The following KLHL18 variants were observed in gnomAD, a reference collection of about 807,000 sequenced individuals.
The protein encoded by KLHL18 is kelch like family member 18, also known as kelch-like protein 18.
KLHL18 carries 38 observed loss-of-function variants against 58.5 expected under a neutral mutation model. The observed-to-expected ratio is 0.65, with a 90% CI of 0.50 to 0.85. The LOEUF (loss-of-function observed/expected upper bound fraction) is 0.85, where lower values mean the gene tolerates loss of function less well. Among genes scored for constraint, KLHL18 ranks in the 40% least tolerant of loss-of-function variants. The pLI is 0.00. For synonymous variants in KLHL18, 303 were observed against 301.9 expected (o/e 1.00, Z -0.04); for missense variants, 624 against 778.4 (o/e 0.80, Z 2.36).
At chr3:47,309,988 G>A (rs1249879567) in intron 1 of KLHL18, among the ~76,000 whole-genome samples, 1 of 150,994 alleles carries the variant, frequency 6.6e-6, no homozygotes, top group Non-Finnish European at 1.5e-5. Context: ...TGGGGAGAGG[G>A]AGGGGGAGGG....
At position 47,334,958 on chromosome 3, in the gene KLHL18, T is replaced by A; in HGVS notation, c.898+139T>A. Reference sequence around the variant, plus strand: ...GCCCCTCTTGATTTTATACAATTGCTCTACAGTTAGAGCATGTCACATATT... The same window carrying A: ...GCCCCTCTTGATTTTATACAATTGCACTACAGTTAGAGCATGTCACATATT... On this transcript the variant is annotated intron_variant, in intron 6 of 9. Transcript: ENST00000232766. This position sits in a 1 kb window ranked among gnomAD's most constrained non-coding sequence, Gnocchi z 4.7. The A allele has an allele frequency of 1.2e-6, 1 of 830,558 alleles. No individual in the cohort carries two copies. Among genetic ancestry groups the A allele is most frequent in the Non-Finnish European group, 1.9e-6 (1 of 539,876 alleles). 51.4% of individuals were successfully genotyped at this position (830,558 alleles called of 1,614,324 possible).
chr3:47,339,583 G>A (rs1385838983), intron 7 of KLHL18, among the ~76,000 whole-genome samples: 1 of 152,014 alleles, frequency 6.6e-6, no homozygotes, highest in African/African-American at 2.4e-5. Flanking sequence ...CAGCCACTAT[G>A]ATAAATTAGA....
At chr3:47,333,000 TAG>T (rs909674666) in intron 4 of KLHL18, among the ~76,000 whole-genome samples, 155 bp from the exon 5 acceptor site, 7 of 151,900 alleles carry the variant, frequency 4.6e-5, no homozygotes, top group Non-Finnish European at 8.8e-5. Context: ...GCCTAGGAAG[TAG>T]AGAGAAATCA....
In KLHL18 at chr3:47,346,365, C is replaced by T. The variant is rs561538204; in HGVS notation, c.*2424C>T. On this transcript the variant is annotated 3_prime_UTR_variant, in exon 10 of 10. Coordinates refer to ENST00000232766, the MANE Select transcript of KLHL18 (RefSeq NM_025010.5). ...CTGAGCACAAGTCAGGAAACACCAACATATTCACACTCTCCCAGTAGGTTC... is the reference window on the plus strand; with the variant it reads ...CTGAGCACAAGTCAGGAAACACCAATATATTCACACTCTCCCAGTAGGTTC... The T allele has an allele frequency of 6.5e-6, 1 of 152,794 alleles. No homozygotes were observed. The highest frequency in any genetic ancestry group is 6.5e-5 in the Admixed American group (1 of 15,308). The allele number at this position is 152,794 out of a possible 1,614,324, so 9.5% of individuals were successfully genotyped here.
chr3:47,340,818 G>T, intron 8 of KLHL18, 142 bp downstream of exon 8: 1 of 767,484 alleles, frequency 1.3e-6, no homozygotes, highest in Non-Finnish European at 2.0e-6. Flanking sequence ...GTATATACTA[G>T]ATATTTAATA....
chr3:47,333,333 C>T lies in KLHL18; in HGVS notation c.761+16C>T, dbSNP rs776319207. On this transcript the variant is annotated intron_variant, in intron 5 of 9. Transcript: ENST00000232766. ...ACAAATGCAGGTGAGTGAGGGTGGACCTGCACAGGACACTGCCAAAGGTCT... is the reference window on the plus strand; with the variant it reads ...ACAAATGCAGGTGAGTGAGGGTGGATCTGCACAGGACACTGCCAAAGGTCT... The T allele has an allele frequency of 3.1e-6, 5 of 1,610,224 alleles. No homozygotes were observed. The African/African-American group carries it at 6.7e-5, about 22-fold the overall frequency.
chr3:47,319,780 C>T lies in KLHL18; in HGVS notation c.257C>T (p.Pro86Leu), dbSNP rs1489209001. ...QDEIVMQGMD[P>L]SALEALINFA... ...GAGATTGTAATGCAAGGAATGGACC[C>T]AAGGTACTGAATCCCACCATTAGGT... The change falls in exon 2 of 10, where the codon CCA (proline) becomes CTA (leucine). Residue 86 changes from proline (P) to leucine (L), a missense_variant. Coordinates refer to ENST00000232766, the MANE Select transcript of KLHL18 (RefSeq NM_025010.5). 1.9e-6 allele frequency: 3 copies of T among 1,613,256 alleles called. No homozygotes were observed. The highest frequency in any genetic ancestry group is 1.3e-5 in the African/African-American group (1 of 74,882).
chr3:47,307,233 G>A (rs1234099544), intron 1 of KLHL18, among the ~76,000 whole-genome samples: 1 of 152,018 alleles, frequency 6.6e-6, no homozygotes, highest in Non-Finnish European at 1.5e-5. Context: ...CACCACACGT[G>A]GCTAATTTTT....
chr3:47,336,528 T>C lies in KLHL18; in HGVS notation c.899-7T>C, dbSNP rs766711795. The C allele has an allele frequency of 1.9e-5, 30 of 1,609,260 alleles. 1 individual carries two copies. In the South Asian group the frequency reaches 3.2e-4, roughly 17 times the overall value. ...TGTTTTAATTTGAGTAGCAAATTTTTATGCAGGTGATTCCCTGAATGTGGT... is the reference window on the plus strand; with the variant it reads ...TGTTTTAATTTGAGTAGCAAATTTTCATGCAGGTGATTCCCTGAATGTGGT... On this transcript the variant is annotated splice_region_variant and splice_polypyrimidine_tract_variant and intron_variant, in intron 6 of 9. Coordinates refer to ENST00000232766, the MANE Select transcript of KLHL18 (RefSeq NM_025010.5).
Position 47,336,541 on chromosome 3 carries a change from C to G in KLHL18, c.905C>G (p.Ser302Cys). The G allele has an allele frequency of 1.9e-6, 3 of 1,612,494 alleles. No individual in the cohort carries two copies. The highest frequency in any genetic ancestry group is 2.5e-6 in the Non-Finnish European group (3 of 1,178,544). Residue 302 changes from serine to cysteine, a missense_variant, in exon 7 of 10, where the codon TCC becomes TGC. Coordinates refer to ENST00000232766, the MANE Select transcript of KLHL18 (RefSeq NM_025010.5). ...AVGGLNSAGD[S>C]LNVVEVFDPI... ...GTAGCAAATTTTTATGCAGGTGATTCCCTGAATGTGGTGGAAGTGTTCGAC... is the reference window on the plus strand; with the variant it reads ...GTAGCAAATTTTTATGCAGGTGATTGCCTGAATGTGGTGGAAGTGTTCGAC...
intron 1 of KLHL18, among the ~76,000 whole-genome samples, chr3:47,312,318 C>CTTT (rs1410111927): frequency 5.3e-5 from 8 of 152,144 alleles, no homozygotes; most frequent in African/African-American, 1.7e-4. Flanking sequence ...GAACCTAACT[C>CTTT]TAATACTTTA....
intron 1 of KLHL18, among the ~76,000 whole-genome samples, chr3:47,291,097 G>A (rs1355107418): frequency 1.3e-5 from 2 of 152,088 alleles, no homozygotes; most frequent in African/African-American, 2.4e-5. Context: ...CTGTGCTTGG[G>A]GATGTTTCTT....
chr3:47,343,621 C>T lies in KLHL18; in HGVS notation c.1405C>T (p.Arg469Trp), dbSNP rs768499439. The change falls in exon 10 of 10, where the codon CGG (arginine) becomes TGG (tryptophan). Residue 469 changes from arginine (R) to tryptophan (W), a missense_variant. By Grantham distance (101) the Arg-to-Trp change is moderately radical (BLOSUM62 -3). Coordinates refer to ENST00000232766, the MANE Select transcript of KLHL18 (RefSeq NM_025010.5). Reference sequence around the variant, plus strand: ...AGCTGGCATGCTCAACAAGCGCTGCCGGCACGGAGCCGCCTCCCTGGGGAG... The same window carrying T: ...AGCTGGCATGCTCAACAAGCGCTGCTGGCACGGAGCCGCCTCCCTGGGGAG... ...PAAGMLNKRC[R>W]HGAASLGSKM... 20 of 1,614,164 alleles carry T rather than the reference C, an allele frequency of 1.2e-5. No homozygotes were observed. The highest frequency in any genetic ancestry group is 5.0e-5 in the Admixed American group (3 of 60,028).
At chr3:47,332,696 G>A (rs1222443232) in intron 4 of KLHL18, among the ~76,000 whole-genome samples, 1 of 152,058 alleles carries the variant, frequency 6.6e-6, no homozygotes, top group African/African-American at 2.4e-5. Context: ...CATTAAGAAA[G>A]GCTCCTTGGA....
At chr3:47,316,151 T>G (rs1455938253) in intron 1 of KLHL18, among the ~76,000 whole-genome samples, 1 of 152,114 alleles carries the variant, frequency 6.6e-6, no homozygotes, top group Non-Finnish European at 1.5e-5. Flanking sequence ...TAAAGAGATT[T>G]TTCCAGAACT....
At chr3:47,285,815 G>A (rs1702662554) in intron 1 of KLHL18, among the ~76,000 whole-genome samples, 1 of 152,094 alleles carries the variant, frequency 6.6e-6, no homozygotes, top group African/African-American at 2.4e-5. Context: ...GGGAGGCCGA[G>A]GCAGGTGGAT....
chr3:47,301,256 G>A (rs747767666), intron 1 of KLHL18, among the ~76,000 whole-genome samples: 6 of 151,522 alleles, frequency 4.0e-5, no homozygotes, highest in Non-Finnish European at 7.4e-5. Context: ...TTTTTTTAAT[G>A]GTTTGTGCTT....
chr3:47,298,199 G>T (rs1702936061), intron 1 of KLHL18, among the ~76,000 whole-genome samples: 1 of 151,910 alleles, frequency 6.6e-6, no homozygotes, highest in Admixed American at 6.6e-5. Context: ...GGACAACAAA[G>T]TGAGACCCCA....
At chr3:47,288,862 C>T (rs1357565798) in intron 1 of KLHL18, among the ~76,000 whole-genome samples, 1 of 152,176 alleles carries the variant, frequency 6.6e-6, no homozygotes, top group Non-Finnish European at 1.5e-5. Flanking sequence ...AGATTTGTGT[C>T]CATGGACGCT....
Sources: allele counts gnomAD v4.1 joint callset (sites outside exome capture counted in the v4.1 genomes callset), GRCh38; gene constraint gnomAD v4.1.1; non-coding constraint Gnocchi (gnomAD v3.1); transcripts MANE v1.5; gene names NCBI Gene and HGNC (gene_info 2026-07-23, HGNC 2026-07-21).